Variants in ODR4 observed in about 807,000 individuals in gnomAD.
ODR4 encodes protein odr-4 homolog.
Under a neutral mutation model 60.2 loss-of-function variants are expected in ODR4, and 47 were observed. That is an observed-to-expected ratio of 0.78 (90% CI 0.62 to 1.00). The LOEUF is 1.00. ODR4 is among the 50% of genes least tolerant of loss of function. The pLI is 0.00. For synonymous variants in ODR4, 178 were observed against 175.5 expected (o/e 1.01, Z -0.11); for missense variants, 488 against 530.8 (o/e 0.92, Z 0.79).
chr1:186,380,318 T>G (rs1659974581), intron 2 of ODR4, among the ~76,000 whole-genome samples: 1 of 152,162 alleles, frequency 6.6e-6, no homozygotes, highest in Non-Finnish European at 1.5e-5. Flanking sequence ...ATGGCAACAG[T>G]GGTCATATTT....
At chr1:186,382,951 T>C in intron 2 of ODR4, 71 bp from the exon 3 acceptor site, 1 of 1,453,538 alleles carries the variant, frequency 6.9e-7, no homozygotes, top group Non-Finnish European at 9.2e-7. Context: ...AGCTAAGGAA[T>C]TTAGGTATCA....
At chr1:186,387,271 C>G (rs957661583) in intron 4 of ODR4, among the ~76,000 whole-genome samples, 10 of 152,128 alleles carry the variant, frequency 6.6e-5, no homozygotes, top group Non-Finnish European at 1.2e-4. Context: ...TTGTTTAACC[C>G]TCTGCCAACT....
chr1:186,387,273 C>T (rs1478360387), intron 4 of ODR4, among the ~76,000 whole-genome samples: 1 of 152,182 alleles, frequency 6.6e-6, no homozygotes, highest in Non-Finnish European at 1.5e-5. Context: ...GTTTAACCCT[C>T]TGCCAACTTT....
chr1:186,399,179 G>T, intron 11 of ODR4, 135 bp downstream of exon 11: 2 of 716,162 alleles, frequency 2.8e-6, no homozygotes, highest in Non-Finnish European at 4.9e-6. Flanking sequence ...TTTATTATTG[G>T]ATGAAAATTT....
At chr1:186,402,695 T>G (rs75615495) in intron 11 of ODR4, among the ~76,000 whole-genome samples, 2 of 151,794 alleles carry the variant, frequency 1.3e-5, no homozygotes, top group Non-Finnish European at 2.9e-5. Context: ...GTAAGGGATC[T>G]TCCTCCCTCA....
intron 13 of ODR4, among the ~76,000 whole-genome samples, chr1:186,418,678 G>A (rs994073586): frequency 5.3e-5 from 8 of 152,112 alleles, no homozygotes; most frequent in Non-Finnish European, 1.2e-4. Context: ...TTTAACCTAC[G>A]TAGCATAAGA....
At position 186,418,222 on chromosome 1, in the gene ODR4, T is replaced by C. The variant is rs186115937; in HGVS notation, c.1297+568T>C. Among the ~76,000 whole-genome samples the C allele has an allele frequency of 1.7e-3, 257 of 152,154 alleles. 2 individuals carry two copies. Among genetic ancestry groups the C allele is most frequent in the African/African-American group, 5.8e-3 (240 of 41,538 alleles). ...TTGTCATTCATTAGATAAATTTAATTAATTTTTTTGTACATGTGTGTGTGT... is the reference window on the plus strand; with the variant it reads ...TTGTCATTCATTAGATAAATTTAATCAATTTTTTTGTACATGTGTGTGTGT... On this transcript the variant is annotated intron_variant, in intron 13 of 13. Transcript: ENST00000287859.
At position 186,388,788 on chromosome 1, in the gene ODR4, T is replaced by C. The variant is rs561037291; in HGVS notation, c.437+240T>C. ...AATATGAAAGACTCAGGATTCTGAA[T>C]TTTTTACCAGCTATCTGCCCTGTAC... On this transcript the variant is annotated intron_variant, in intron 5 of 13. Coordinates refer to ENST00000287859, the MANE Select transcript of ODR4 (RefSeq NM_017847.6). Among the ~76,000 whole-genome samples the C allele has an allele frequency of 2.6e-5, 4 of 152,292 alleles. No homozygotes were observed. In the South Asian group the frequency reaches 6.2e-4, roughly 24 times the overall value.
At chr1:186,384,577 A>T (rs72713766) in intron 3 of ODR4, among the ~76,000 whole-genome samples, 27 of 101,788 alleles carry the variant, frequency 2.7e-4, no homozygotes, top group Non-Finnish European at 4.8e-4. Flanking sequence ...TATATGACAC[A>T]CACACACACA....
At chr1:186,391,581 A>G in intron 7 of ODR4, 115 bp from the exon 8 acceptor site, 1 of 704,112 alleles carries the variant, frequency 1.4e-6, no homozygotes, top group Non-Finnish European at 2.4e-6. Flanking sequence ...TGCTGCAGTA[A>G]TGAGATTTAG....
chr1:186,420,538 G>T lies in ODR4; in HGVS notation c.*1462G>T, dbSNP rs1481004419. The T allele has an allele frequency of 6.6e-6, 1 of 152,072 alleles. No individual in the cohort carries two copies. The highest frequency in any genetic ancestry group is 1.5e-5 in the Non-Finnish European group (1 of 68,002). The allele number at this position is 152,072 out of a possible 1,614,324, so 9.4% of individuals were successfully genotyped here. On this transcript the variant is annotated 3_prime_UTR_variant, in exon 14 of 14. Transcript: ENST00000287859. ...CTTCAAGGTTTCATCACCAACATAA[G>T]GAATGAAGTTGGAACCACAGGCAGA...
chr1:186,380,103 C>T (rs1659969051), intron 2 of ODR4, among the ~76,000 whole-genome samples: 1 of 152,096 alleles, frequency 6.6e-6, no homozygotes, highest in African/African-American at 2.4e-5. Flanking sequence ...GGACACCTTC[C>T]CCTTTGACCA....
chr1:186,432,140 A>C, the ODR4 span, among the ~76,000 whole-genome samples: 11 of 152,202 alleles, frequency 7.2e-5, no homozygotes, highest in African/African-American at 2.7e-4. Flanking sequence ...TATTGATGCC[A>C]GCAACTAAAG....
chr1:186,395,002 G>C, intron 9 of ODR4, among the ~76,000 whole-genome samples: 1 of 152,176 alleles, frequency 6.6e-6, no homozygotes, highest in Non-Finnish European at 1.5e-5. Flanking sequence ...TATTTTATTA[G>C]TAGTATAAAA....
rs757415802 is a variant in ODR4, at chr1:186,389,599, G to A, written c.449G>A (p.Arg150Gln). 28 of 1,534,122 alleles carry A rather than the reference G, an allele frequency of 1.8e-5. No individual in the cohort carries two copies. The highest frequency in any genetic ancestry group is 2.1e-5 in the Non-Finnish European group (24 of 1,131,280). ...CTTAATTAGTGAAGAATATTTTGTC[G>A]AACTTATGATATCCATGATCCAAAG... ...ICASTKKIFC[R>Q]TYDIHDPKSS... Residue 150 changes from arginine (R) to glutamine (Q), a missense_variant, in exon 6 of 14, where the codon CGA (arginine) becomes CAA (glutamine). Arg to Gln is a conservative substitution (Grantham distance 43). Transcript: ENST00000287859.
chr1:186,423,044 ACT>A (rs1661820967), downstream of ODR4, among the ~76,000 whole-genome samples: 1 of 152,200 alleles, frequency 6.6e-6, no homozygotes, highest in Non-Finnish European at 1.5e-5. Context: ...AATAGACCAA[ACT>A]CTAGAAAACT....
At chr1:186,387,706 C>T (rs1317166834) in intron 4 of ODR4, among the ~76,000 whole-genome samples, 2 of 152,042 alleles carry the variant, frequency 1.3e-5, no homozygotes, top group Non-Finnish European at 2.9e-5. Context: ...AAGGTTGTGC[C>T]TCCTCTGATG....
intron 7 of ODR4, 29 bp from the exon 8 acceptor site, chr1:186,391,667 A>C: frequency 7.1e-7 from 1 of 1,410,062 alleles, no homozygotes; most frequent in Non-Finnish European, 9.9e-7. Context: ...ATTGTATCTG[A>C]AAGATTTCCA....
Position 186,390,850 on chromosome 1 carries a change from A to T in ODR4, c.614A>T (p.Lys205Met), listed in dbSNP as rs1395647801. ...SVSYTLEKNT[K>M]NGLTRWAKEI... ...AGCTATACTCTGGAGAAAAATACAA[A>T]GGTACCAGGGTAAAATGAATTTTCT... Residue 205 changes from lysine (K) to methionine (M), a missense_variant and splice_region_variant, in exon 7 of 14, where the codon AAG becomes ATG. Coordinates refer to ENST00000287859, the MANE Select transcript of ODR4 (RefSeq NM_017847.6). 1 of 1,610,606 alleles carries T rather than the reference A, an allele frequency of 6.2e-7. No individual in the cohort carries two copies. Among genetic ancestry groups the T allele is most frequent in the Admixed American group, 1.7e-5 (1 of 59,584 alleles).
Sources: allele counts gnomAD v4.1 joint callset (sites outside exome capture counted in the v4.1 genomes callset), GRCh38; gene constraint gnomAD v4.1.1; transcripts MANE v1.5; gene names NCBI Gene and HGNC (gene_info 2026-07-23, HGNC 2026-07-21).